The following IGF2BP2 variants were observed in gnomAD, a reference collection of about 807,000 sequenced individuals.
IGF2BP2 encodes insulin-like growth factor 2 mRNA-binding protein 2.
Under a neutral mutation model 75.8 loss-of-function variants are expected in IGF2BP2, and 17 were observed. That is an observed-to-expected ratio of 0.22 (90% CI 0.15 to 0.34). IGF2BP2 has a LOEUF of 0.34. IGF2BP2 is among the 10% of genes least tolerant of loss of function. IGF2BP2 has a pLI of 1.00. For synonymous variants in IGF2BP2, 288 were observed against 295.6 expected, an observed-to-expected ratio of 0.97 and a Z score of 0.26; for missense variants, 516 against 772.4, an observed-to-expected ratio of 0.67 and a Z score of 3.93.
chr3:185,707,305 T>C (rs1195333775), intron 2 of IGF2BP2, among the ~76,000 whole-genome samples: 2 of 123,850 alleles, frequency 1.6e-5, no homozygotes, highest in Non-Finnish European at 3.4e-5. Flanking sequence ...CTTTTTTTTT[T>C]TTTTTTTTTT....
intron 12 of IGF2BP2, among the ~76,000 whole-genome samples, chr3:185,652,377 A>C (rs1714748880): frequency 6.6e-6 from 1 of 152,132 alleles, no homozygotes; most frequent in South Asian, 2.1e-4. Context: ...GTTTTTGGCC[A>C]CCCAGGGACA....
chr3:185,796,617 G>GAA (rs539355035), intron 2 of IGF2BP2, among the ~76,000 whole-genome samples: 2 of 75,950 alleles, frequency 2.6e-5, no homozygotes, highest in Non-Finnish European at 5.3e-5. Flanking sequence ...CCTGAGCTAG[G>GAA]AAAAAAAAAA....
chr3:185,745,062 A>G (rs1730070012), intron 2 of IGF2BP2, among the ~76,000 whole-genome samples: 1 of 152,214 alleles, frequency 6.6e-6, no homozygotes, highest in Non-Finnish European at 1.5e-5. Flanking sequence ...GGTGTGCGGC[A>G]GAGCCAGGAG....
intron 2 of IGF2BP2, among the ~76,000 whole-genome samples, chr3:185,709,495 G>T (rs1724503403): frequency 6.6e-6 from 1 of 152,182 alleles, no homozygotes; most frequent in Non-Finnish European, 1.5e-5. Flanking sequence ...ACTGTAAGAG[G>T]AACACGTGCT....
At chr3:185,734,629 G>A (rs1728617133) in intron 2 of IGF2BP2, among the ~76,000 whole-genome samples, 1 of 152,148 alleles carries the variant, frequency 6.6e-6, no homozygotes. Flanking sequence ...TGAGAAGTAC[G>A]CTGAAACTTG....
At chr3:185,679,392 C>T (rs181603428) in intron 7 of IGF2BP2, among the ~76,000 whole-genome samples, 138 of 152,112 alleles carry the variant, frequency 9.1e-4, no homozygotes, top group Admixed American at 2.0e-3. Context: ...TTTACCCCAT[C>T]CCCAAATATC....
intron 2 of IGF2BP2, among the ~76,000 whole-genome samples, chr3:185,755,393 C>T (rs1315174678): frequency 6.6e-6 from 1 of 152,228 alleles, no homozygotes; most frequent in African/African-American, 2.4e-5. Flanking sequence ...GCGTAGATTT[C>T]AGAGGATGTA....
At chr3:185,720,079 C>T (rs970352925) in intron 2 of IGF2BP2, among the ~76,000 whole-genome samples, 2 of 152,172 alleles carry the variant, frequency 1.3e-5, no homozygotes, top group African/African-American at 4.8e-5. Flanking sequence ...GGCAACCTTC[C>T]ATCAACAAGG....
In IGF2BP2 at chr3:185,647,136, C is replaced by T. The variant is rs781390807; in HGVS notation, c.1596G>A (p.Val532=). 1 of 1,613,032 alleles carries T rather than the reference C, an allele frequency of 6.2e-7. No individual in the cohort carries two copies. Among genetic ancestry groups the T allele is most frequent in the African/African-American group, 1.3e-5 (1 of 75,042 alleles). The change falls in exon 15 of 16, where the codon GTG becomes GTA. Residue 532 remains valine, a splice_region_variant and synonymous_variant. Transcript: ENST00000382199. This position sits in a 1 kb window ranked among gnomAD's most constrained non-coding sequence, Gnocchi z 4.9. ...GRVIGKGGKT[V]NELQNLTSAE... ...CACTGGTTAAGTTCTGCAGTTCGTTCACCTGTGAAGGGAGAAACGGCAACG... is the reference window on the plus strand; with the variant it reads ...CACTGGTTAAGTTCTGCAGTTCGTTTACCTGTGAAGGGAGAAACGGCAACG...
At chr3:185,807,601 T>G (rs917070459) in intron 2 of IGF2BP2, among the ~76,000 whole-genome samples, 7 of 152,266 alleles carry the variant, frequency 4.6e-5, no homozygotes, top group Admixed American at 6.5e-5. Flanking sequence ...CTCCCGAAGA[T>G]TCTCATCTCC....
At chr3:185,727,472 C>T (rs1414753806) in intron 2 of IGF2BP2, among the ~76,000 whole-genome samples, 1 of 152,068 alleles carries the variant, frequency 6.6e-6, no homozygotes, top group African/African-American at 2.4e-5. Context: ...GGATTACTCA[C>T]AGGTTGAACA....
At chr3:185,711,860 G>T (rs1313068726) in intron 2 of IGF2BP2, among the ~76,000 whole-genome samples, 1 of 152,082 alleles carries the variant, frequency 6.6e-6, no homozygotes, top group African/African-American at 2.4e-5. Flanking sequence ...AGTCACCATG[G>T]TAGATAAGCT....
chr3:185,772,844 A>C (rs1734066593), intron 2 of IGF2BP2, among the ~76,000 whole-genome samples: 1 of 151,994 alleles, frequency 6.6e-6, no homozygotes, highest in South Asian at 2.1e-4. Context: ...AGCCTCCCAA[A>C]GTGCTGGGAT....
At chr3:185,757,945 G>A (rs536198500) in intron 2 of IGF2BP2, among the ~76,000 whole-genome samples, 1 of 152,322 alleles carries the variant, frequency 6.6e-6, no homozygotes, top group East Asian at 1.9e-4. Flanking sequence ...CAAGTCAACT[G>A]GCTCATATCT....
intron 2 of IGF2BP2, chr3:185,716,652 C>G (rs1202661574): frequency 1.9e-6 from 1 of 520,096 alleles, no homozygotes. Flanking sequence ...CCTCAGCTGT[C>G]TTGGGCTCCC....
At chr3:185,684,399 T>C (rs1410347396) in intron 7 of IGF2BP2, among the ~76,000 whole-genome samples, 1 of 143,206 alleles carries the variant, frequency 7.0e-6, no homozygotes, top group Non-Finnish European at 1.5e-5. Flanking sequence ...TAGAATTTCT[T>C]TTTTTTTTTT....
chr3:185,718,409 C>T (rs948018642), intron 2 of IGF2BP2, among the ~76,000 whole-genome samples: 6 of 152,096 alleles, frequency 3.9e-5, no homozygotes, highest in African/African-American at 1.4e-4. Context: ...AAGTCAGGCT[C>T]GGGGGCGGTG....
intron 12 of IGF2BP2, among the ~76,000 whole-genome samples, chr3:185,653,939 G>A (rs1224108378): frequency 2.0e-5 from 3 of 152,184 alleles, no homozygotes; most frequent in African/African-American, 7.2e-5. Flanking sequence ...TGTGTCACTT[G>A]AGATCCTCCG....
chr3:185,797,299 T>TCC (rs1737552820), intron 2 of IGF2BP2, among the ~76,000 whole-genome samples: 1 of 152,262 alleles, frequency 6.6e-6, no homozygotes, highest in East Asian at 1.9e-4. Flanking sequence ...CTCAGGAGTG[T>TCC]CCTATCCAGA....
Sources: allele counts gnomAD v4.1 joint callset (sites outside exome capture counted in the v4.1 genomes callset), GRCh38; gene constraint gnomAD v4.1.1; non-coding constraint Gnocchi (gnomAD v3.1); transcripts MANE v1.5; gene names NCBI Gene and HGNC (gene_info 2026-07-23, HGNC 2026-07-21).